CIMAP1D: variants seen among roughly 807,000 people sequenced by gnomAD.
The protein encoded by CIMAP1D is CIMAP1 family member D.
the CIMAP1D span, among the ~76,000 whole-genome samples, chr19:476,455 G>T: frequency 5.9e-5 from 9 of 152,150 alleles, no homozygotes; most frequent in African/African-American, 2.2e-4. Context: ...CTCCCAAAGT[G>T]CTGGGATTAC....
the CIMAP1D span, among the ~76,000 whole-genome samples, chr19:477,100 A>AG: frequency 6.6e-6 from 1 of 152,152 alleles, no homozygotes; most frequent in African/African-American, 2.4e-5. Flanking sequence ...CCAGCTACTC[A>AG]GGAGGCTGAG....
At chr19:487,116 C>T in the CIMAP1D span, among the ~76,000 whole-genome samples, 1 of 152,106 alleles carries the variant, frequency 6.6e-6, no homozygotes. Flanking sequence ...CCTTCCCTGC[C>T]TTTTCCTTCT....
At chr19:473,352 T>C in the CIMAP1D span, among the ~76,000 whole-genome samples, 14 of 56,594 alleles carry the variant, frequency 2.5e-4, no homozygotes, top group African/African-American at 9.7e-4. Flanking sequence ...CAGGCAGAGA[T>C]ACATGGTCAC....
At chr19:478,783 G>A in the CIMAP1D span, among the ~76,000 whole-genome samples, 1 of 152,274 alleles carries the variant, frequency 6.6e-6, no homozygotes. Flanking sequence ...CTGCAGGCGA[G>A]GGACGTCACT....
chr19:467,777 C>T, the CIMAP1D span: 743 of 1,519,988 alleles, frequency 4.9e-4, no homozygotes, highest in Admixed American at 2.9e-3. Flanking sequence ...GGAGAGGAGC[C>T]CAGAGTGCTG....
chr19:470,615 T>A, the CIMAP1D span, among the ~76,000 whole-genome samples: 12 of 152,084 alleles, frequency 7.9e-5, no homozygotes, highest in African/African-American at 2.9e-4. Context: ...TGGGCTGGGA[T>A]TTTTGCTCAT....
At chr19:485,699 C>T in the CIMAP1D span, among the ~76,000 whole-genome samples, 1 of 152,220 alleles carries the variant, frequency 6.6e-6, no homozygotes, top group Non-Finnish European at 1.5e-5. Flanking sequence ...AAAACACATC[C>T]TCCGGCTGCA....
the CIMAP1D span, chr19:474,853 G>T: frequency 1.0e-6 from 1 of 961,162 alleles, no homozygotes; most frequent in Non-Finnish European, 1.4e-6. Context: ...CACCTTCACG[G>T]CCTCACCACA....
chr19:488,582 G>C, the CIMAP1D span, among the ~76,000 whole-genome samples: 1 of 152,252 alleles, frequency 6.6e-6, no homozygotes, highest in African/African-American at 2.4e-5. Flanking sequence ...CGCGCTGCTG[G>C]GACTGACGTC....
At chr19:482,717 A>C in the CIMAP1D span, among the ~76,000 whole-genome samples, 2 of 152,224 alleles carry the variant, frequency 1.3e-5, no homozygotes, top group African/African-American at 4.8e-5. Flanking sequence ...ACAGAGGCGG[A>C]GGTCACAAAG....
At chr19:490,491 C>A in the CIMAP1D span, 4 of 152,582 alleles carry the variant, frequency 2.6e-5, no homozygotes, top group African/African-American at 9.6e-5. Context: ...TCACGCTGAG[C>A]GTTCAGAGCC....
At chr19:477,211 G>A in the CIMAP1D span, among the ~76,000 whole-genome samples, 1 of 152,192 alleles carries the variant, frequency 6.6e-6, no homozygotes, top group South Asian at 2.1e-4. Context: ...AAGAAGCTAG[G>A]AAAACAAGAG....
chr19:464,081 G>C, the CIMAP1D span: 10 of 1,503,188 alleles, frequency 6.7e-6, no homozygotes, highest in Admixed American at 2.0e-5. Flanking sequence ...AGGTGTTTGC[G>C]TCCGGGCTGT....
At chr19:474,573 G>A in the CIMAP1D span, 1 of 1,444,636 alleles carries the variant, frequency 6.9e-7, no homozygotes, top group South Asian at 1.5e-5. Flanking sequence ...GAAGTATGGG[G>A]AGTGGAGCAG....
the CIMAP1D span, among the ~76,000 whole-genome samples, chr19:486,997 C>T: frequency 2.0e-5 from 3 of 152,094 alleles, no homozygotes; most frequent in Non-Finnish European, 2.9e-5. Context: ...AGTGATCCGC[C>T]CACCTCAGCC....
At chr19:472,430 T>C in the CIMAP1D span, 1 of 1,546,298 alleles carries the variant, frequency 6.5e-7, no homozygotes, top group Non-Finnish European at 8.7e-7. Flanking sequence ...TAGGCGGGAC[T>C]GGCCACCCTG....
the CIMAP1D span, among the ~76,000 whole-genome samples, chr19:480,011 C>T: frequency 2.0e-5 from 3 of 152,358 alleles, no homozygotes; most frequent in South Asian, 4.1e-4. Context: ...CTGTGGCGGT[C>T]AGCCACAGGG....
chr19:472,620 G>A, the CIMAP1D span: 1 of 615,040 alleles, frequency 1.6e-6, no homozygotes, highest in Admixed American at 3.7e-5. Flanking sequence ...AGGATTGGGG[G>A]CCCCGGGGAG....
chr19:465,832 G>C, the CIMAP1D span, among the ~76,000 whole-genome samples: 1 of 135,294 alleles, frequency 7.4e-6, no homozygotes. Flanking sequence ...TGGGTGGATG[G>C]TGGATGGATG....
Sources: gnomAD v4.1 joint callset for allele counts (sites outside exome capture counted in the v4.1 genomes callset) on GRCh38, gnomAD v4.1.1 for gene constraint, MANE v1.5 for transcripts, NCBI Gene and HGNC (gene_info 2026-07-23, HGNC 2026-07-21) for gene names.